Variants in SLC29A2 observed in about 807,000 individuals in gnomAD.
SLC29A2 encodes equilibrative nucleoside transporter 2.
In SLC29A2, 37 loss-of-function variants were observed where a neutral mutation model predicts 48.8. The ratio of observed to expected loss-of-function variants is 0.76; its 90% CI spans 0.58 to 1.00. The LOEUF (loss-of-function observed/expected upper bound fraction) is 1.00, where lower values mean the gene tolerates loss of function less well. SLC29A2 is among the 50% of genes least tolerant of loss of function. The pLI is 0.00. For synonymous variants in SLC29A2, 233 were observed against 261.7 expected, an observed-to-expected ratio of 0.89 and a Z score of 1.06; for missense variants, 533 against 578.6, an observed-to-expected ratio of 0.92 and a Z score of 0.81.
chr11:66,363,401 G>A lies in SLC29A2; in HGVS notation c.*35C>T, dbSNP rs372203488. On this transcript the variant is annotated 3_prime_UTR_variant, in exon 12 of 12. Transcript: ENST00000357440. The stretch of plus-strand genomic sequence containing the variant: ...GATCTCAGCTCCGGAAGGAGACGTC[G>A]AGAAGAGGCTGCCAAAGAGCCTGGA... 1,009 of 1,515,448 alleles carry A rather than the reference G, an allele frequency of 6.7e-4. 18 individuals are homozygous for A. The South Asian group carries it at 0.011, about 16-fold the overall frequency. The allele number at this position is 1,515,448 out of a possible 1,614,324, so 93.9% of individuals were successfully genotyped here.
chr11:66,368,242 A>C (rs978309334), intron 5 of SLC29A2, among the ~76,000 whole-genome samples: 5 of 152,214 alleles, frequency 3.3e-5, no homozygotes, highest in Non-Finnish European at 7.4e-5. Context: ...ACCCAAGACT[A>C]TCTGAATCCC....
chr11:66,372,179 C>A (rs1438672047), upstream of SLC29A2: 1 of 152,282 alleles, frequency 6.6e-6, no homozygotes, highest in Non-Finnish European at 1.5e-5. Context: ...GAGCGTAACC[C>A]GAGCCGGGCC....
rs769514429 is a variant in SLC29A2 at position 66,365,988 on chromosome 11, A to G, written c.1007T>C (p.Leu336Pro). The change falls in exon 10 of 12, where the codon CTC becomes CCC. Residue 336 changes from leucine to proline, a missense_variant. Leu to Pro is a moderately conservative substitution (Grantham distance 98, BLOSUM62 -3). Coordinates refer to ENST00000357440, the MANE Select transcript of SLC29A2 (RefSeq NM_001532.3). ...QFFNPICCFLLFNIMDWLGRS... is the reference protein window; with the variant it reads ...QFFNPICCFLPFNIMDWLGRS... The stretch of plus-strand genomic sequence containing the variant: ...TCCCAGCCAGTCCATGATGTTGAAG[A>G]GGAGGAAGCAGCAGATGGGGTTGAA... 2 of 1,614,118 alleles carry G rather than the reference A, an allele frequency of 1.2e-6. No individual in the cohort carries two copies. Among genetic ancestry groups the G allele is most frequent in the Admixed American group, 3.3e-5 (2 of 60,014 alleles).
chr11:66,369,337 A>C lies in SLC29A2; in HGVS notation c.275+32T>G, dbSNP rs760593858. The C allele has an allele frequency of 6.2e-6, 10 of 1,613,536 alleles. No individual in the cohort carries two copies. The South Asian group carries it at 1.1e-4, about 18-fold the overall frequency. On this transcript the variant is annotated intron_variant, in intron 3 of 11. Coordinates refer to ENST00000357440, the MANE Select transcript of SLC29A2 (RefSeq NM_001532.3). Reference sequence around the variant, plus strand: ...AGGGCCTCAATGAAGCTGCCTCGGCAGAGGGCGCAGGAGCCAGGGCAGGCC... The same window carrying C: ...AGGGCCTCAATGAAGCTGCCTCGGCCGAGGGCGCAGGAGCCAGGGCAGGCC...
intron 7 of SLC29A2, among the ~76,000 whole-genome samples, chr11:66,367,249 C>A (rs755579018): frequency 1.3e-5 from 2 of 152,304 alleles, no homozygotes; most frequent in Non-Finnish European, 2.9e-5. Context: ...ATGCATGGAA[C>A]CTCTGTCGCC....
chr11:66,371,822 GTC>G (rs1491228980), upstream of SLC29A2: 1 of 562,626 alleles, frequency 1.8e-6, no homozygotes, highest in Non-Finnish European at 3.1e-6. Context: ...CGCGCCACCC[GTC>G]TCTCCTTCCC....
intron 1 of SLC29A2, 114 bp downstream of exon 1, chr11:66,371,449 G>A: frequency 6.7e-7 from 1 of 1,498,128 alleles, no homozygotes; most frequent in Non-Finnish European, 9.1e-7. Flanking sequence ...GCGGCCGAGG[G>A]AGTCGGCTGA....
chr11:66,368,990 G>T, intron 4 of SLC29A2, 70 bp downstream of exon 4: 1 of 1,532,724 alleles, frequency 6.5e-7, no homozygotes. Context: ...GGATATGCTG[G>T]GCCCTTTCAA....
chr11:66,366,493 C>G lies in SLC29A2; in HGVS notation c.805G>C (p.Glu269Gln). The G allele has an allele frequency of 6.2e-7, 1 of 1,614,118 alleles. No homozygotes were observed. The highest frequency in any genetic ancestry group is 8.5e-7 in the Non-Finnish European group (1 of 1,180,032). Residue 269 changes from glutamate to glutamine, a missense_variant, in exon 8 of 12, where the codon GAA (glutamate) becomes CAA (glutamine). Transcript: ENST00000357440. ...TLDLDLEKEP[E>Q]SEPDEPQKPG... Reference sequence around the variant, plus strand: ...TTCTGGGGCTCATCTGGCTCTGATTCCGGCTCCTTCTCCAGGTCAAGATCC... The same window carrying G: ...TTCTGGGGCTCATCTGGCTCTGATTGCGGCTCCTTCTCCAGGTCAAGATCC...
chr11:66,368,954 C>T (rs1013784935), intron 4 of SLC29A2, 106 bp downstream of exon 4: 21 of 1,414,264 alleles, frequency 1.5e-5, no homozygotes, highest in African/African-American at 8.5e-5. Flanking sequence ...GGGATATGAG[C>T]GACCATGATG....
chr11:66,371,580 T>C lies in SLC29A2; in HGVS notation c.12A>G (p.Gly4=), dbSNP rs1291508488. 4 of 1,549,690 alleles carry C rather than the reference T, an allele frequency of 2.6e-6. No homozygotes were observed. The highest frequency in any genetic ancestry group is 3.5e-6 in the Non-Finnish European group (4 of 1,149,258). The change falls in exon 1 of 12, where the codon GGA becomes GGG. Residue 4 remains glycine (G), a synonymous_variant. Coordinates refer to ENST00000357440, the MANE Select transcript of SLC29A2 (RefSeq NM_001532.3). ...CCACTCACCTGTCCCGCGGGGCGTCTCCTCGCGCCATGGCCGCCGCGGCGG... is the reference window on the plus strand; with the variant it reads ...CCACTCACCTGTCCCGCGGGGCGTCCCCTCGCGCCATGGCCGCCGCGGCGG... MAR[G]DAPRDSYHLV...
At chr11:66,371,417 A>C in intron 1 of SLC29A2, 92 bp from the exon 2 acceptor site, 1 of 1,517,704 alleles carries the variant, frequency 6.6e-7, no homozygotes. Flanking sequence ...AGCGGACTAC[A>C]ACCCCGATCA....
chr11:66,367,039 T>C (rs1196110034), intron 7 of SLC29A2, among the ~76,000 whole-genome samples: 2 of 152,208 alleles, frequency 1.3e-5, no homozygotes, highest in African/African-American at 4.8e-5. Context: ...GATGGAAATA[T>C]GCATAGCTAC....
At chr11:66,364,470 T>G in intron 10 of SLC29A2, 46 bp from the exon 11 acceptor site, 24 of 1,459,494 alleles carry the variant, frequency 1.6e-5, no homozygotes, top group Non-Finnish European at 2.2e-5. Flanking sequence ...GCCAGGTCTC[T>G]GCTCCAGGGC....
chr11:66,367,916 G>T (rs202223986), intron 5 of SLC29A2, 47 bp from the exon 6 acceptor site: 654 of 1,492,582 alleles, frequency 4.4e-4, no homozygotes, highest in Admixed American at 8.2e-4. Context: ...GGTCCCGCCG[G>T]CTCCCACGGG....
chr11:66,365,874 C>G, intron 10 of SLC29A2, 62 bp downstream of exon 10: 1 of 1,494,034 alleles, frequency 6.7e-7, no homozygotes, highest in Non-Finnish European at 9.3e-7. Flanking sequence ...CATGCTCTTT[C>G]AAGCCCTCGG....
intron 4 of SLC29A2, 31 bp from the exon 5 acceptor site, chr11:66,368,702 C>A: frequency 6.3e-7 from 1 of 1,581,504 alleles, no homozygotes; most frequent in South Asian, 1.2e-5. Context: ...GGCTGCTGCT[C>A]AACTAGGCAA....
intron 4 of SLC29A2, 66 bp downstream of exon 4, chr11:66,368,994 C>A: frequency 6.5e-7 from 1 of 1,548,824 alleles, no homozygotes. Context: ...ATGCTGGGCC[C>A]TTTCAATGAT....
rs763071257 is a variant in SLC29A2 at position 66,363,400 on chromosome 11, C to T, written c.*36G>A. The T allele has an allele frequency of 1.4e-5, 21 of 1,512,058 alleles. No individual in the cohort carries two copies. Among genetic ancestry groups the T allele is most frequent in the Non-Finnish European group, 1.6e-5 (17 of 1,088,594 alleles). 93.7% of individuals were successfully genotyped at this position (1,512,058 alleles called of 1,614,324 possible). A position where few individuals can be genotyped will look rare whatever the true frequency, so the allele number is the denominator to read the frequency against. On this transcript the variant is annotated 3_prime_UTR_variant, in exon 12 of 12. Coordinates refer to ENST00000357440, the MANE Select transcript of SLC29A2 (RefSeq NM_001532.3). ...GGATCTCAGCTCCGGAAGGAGACGT[C>T]GAGAAGAGGCTGCCAAAGAGCCTGG...
Sources: gnomAD v4.1 joint callset for allele counts (sites outside exome capture counted in the v4.1 genomes callset) on GRCh38, gnomAD v4.1.1 for gene constraint, MANE v1.5 for transcripts, NCBI Gene and HGNC (gene_info 2026-07-23, HGNC 2026-07-21) for gene names.